HNRNPU: variants seen among roughly 807,000 people sequenced by gnomAD.
The protein encoded by HNRNPU is heterogeneous nuclear ribonucleoprotein U, also known as HNRNPU antisense RNA 1.
HNRNPU carries 5 observed loss-of-function variants against 94.7 expected under a neutral mutation model. The observed-to-expected ratio is 0.05, with a 90% CI of 0.03 to 0.11. The LOEUF (loss-of-function observed/expected upper bound fraction) is 0.11, where lower values mean the gene tolerates loss of function less well. HNRNPU is among the 10% of genes least tolerant of loss of function. The pLI is 1.00. For missense variants in HNRNPU, 710 were observed against 1,049.2 expected, an observed-to-expected ratio of 0.68 and a Z score of 4.47; for synonymous variants, 434 against 381.6, an observed-to-expected ratio of 1.14 and a Z score of -1.60.
chr1:244,860,110 G>A (rs1680787200), intron 4 of HNRNPU: 3 of 427,948 alleles, frequency 7.0e-6, no homozygotes, highest in Non-Finnish European at 1.2e-5. Context: ...GACCAGCCTG[G>A]CCTACGTGGT....
Position 244,863,928 on chromosome 1 carries a change from G to A in HNRNPU, c.380C>T (p.Ala127Val), listed in dbSNP as rs776690627. The A allele has an allele frequency of 3.1e-6, 5 of 1,613,820 alleles. No homozygotes were observed. The highest frequency in any genetic ancestry group is 1.1e-5 in the South Asian group (1 of 91,068). Residue 127 changes from alanine (A) to valine (V), a missense_variant, in exon 1 of 14, where the codon GCC (alanine) becomes GTC (valine). This residue lies in a region of HNRNPU where 292 missense variants were observed against 293.4 expected (regional missense o/e 1.00). Transcript: ENST00000640218. ...DSGPMEEEEA[A>V]SEDENGDDQG... is the part of the protein sequence containing the mutation. ...ATCGTCGCCGTTCTCGTCTTCCGAG[G>A]CGGCCTCCTCCTCCTCCATCGGGCC...
rs114666254 is a variant in HNRNPU, at chr1:244,858,994, T to C, written c.1118-153A>G. 7.6e-4 allele frequency: 457 copies of C among 597,686 alleles called. 2 individuals carry two copies. The African/African-American group carries it at 7.7e-3, about 10-fold the overall frequency. 37.0% of individuals were successfully genotyped at this position (597,686 alleles called of 1,614,324 possible). A position where few individuals can be genotyped will look rare whatever the true frequency, so the allele number is the denominator to read the frequency against. Reference sequence around the variant, plus strand: ...TTACTTTTCTATCTCTGTACCAGAATTGATGGAAGTTAGGAGGGATATATA... The same window carrying C: ...TTACTTTTCTATCTCTGTACCAGAACTGATGGAAGTTAGGAGGGATATATA... On this transcript the variant is annotated intron_variant, in intron 5 of 13. Coordinates refer to ENST00000640218, the MANE Select transcript of HNRNPU (RefSeq NM_031844.3).
Position 244,855,532 on chromosome 1 carries a change from TCCA to T in HNRNPU, c.2241_2243del (p.Gly748del), listed in dbSNP as rs1360096657. ...GGGCACGAGGGTATGGATAGCCGAT[TCCA>T]CCACTTCCTCCACCGCCACCACCTC... On this transcript the variant is annotated inframe_deletion, in exon 12 of 14. Transcript: ENST00000640218. 1 of 1,613,912 alleles carries T rather than the reference TCCA, an allele frequency of 6.2e-7. No homozygotes were observed. Among genetic ancestry groups the T allele is most frequent in the Non-Finnish European group, 8.5e-7 (1 of 1,179,946 alleles).
rs747301226 is a variant in HNRNPU, at chr1:244,862,498, A to ATCT, written c.837_839dup (p.Glu279dup). The ATCT allele has an allele frequency of 6.2e-7, 1 of 1,613,792 alleles. No individual in the cohort carries two copies. On this transcript the variant is annotated inframe_insertion, in exon 3 of 14. Coordinates refer to ENST00000640218, the MANE Select transcript of HNRNPU (RefSeq NM_031844.3). ...AAACCACTGTGTCATCGAAGTGTTC[A>ATCT]TCTTCTTCTTCAACAGGTGGCTGAG... is the stretch of plus-strand genomic sequence containing the variant.
At chr1:244,854,701 G>A (rs1352763183) in intron 13 of HNRNPU, 198 bp from the exon 14 acceptor site, 2 of 553,952 alleles carry the variant, frequency 3.6e-6, no homozygotes, top group African/African-American at 1.9e-5. Context: ...GAAACATCAT[G>A]ACTTTGTTAG....
intron 3 of HNRNPU, 35 bp downstream of exon 3, chr1:244,862,426 G>GC: frequency 1.2e-6 from 1 of 854,968 alleles, no homozygotes; most frequent in Non-Finnish European, 1.8e-6. Flanking sequence ...CACCATCACC[G>GC]CATTTCATAA....
chr1:244,854,602 G>T, intron 13 of HNRNPU, 99 bp from the exon 14 acceptor site: 1 of 832,916 alleles, frequency 1.2e-6, no homozygotes, highest in Non-Finnish European at 2.0e-6. Flanking sequence ...TAATTTGCTG[G>T]AAACAAATTT....
In HNRNPU at chr1:244,864,026, T is replaced by C. The variant is rs990170673; in HGVS notation, c.282A>G (p.Glu94=). The C allele has an allele frequency of 8.1e-5, 131 of 1,612,480 alleles. No homozygotes were observed. The highest frequency in any genetic ancestry group is 1.0e-4 in the Non-Finnish European group (122 of 1,179,488). Residue 94 remains glutamate, a synonymous_variant, in exon 1 of 14, where the codon GAA becomes GAG. Transcript: ENST00000640218. The stretch of plus-strand genomic sequence containing the variant: ...GGTCGCCGTCCAGAGCGGAGATTCC[T>C]TCCTCCTCCTCTTCCTCTTCCTCCT... ...EEEEEEEEEE[E]GISALDGDQM...
At position 244,852,491 on chromosome 1, in the gene HNRNPU, A is replaced by C. The variant is rs1456717071; in HGVS notation, c.*1959T>G. 2 of 152,186 alleles carry C rather than the reference A, an allele frequency of 1.3e-5. No individual in the cohort carries two copies. The highest frequency in any genetic ancestry group is 2.9e-5 in the Non-Finnish European group (2 of 68,016). 9.4% of individuals were successfully genotyped at this position (152,186 alleles called of 1,614,324 possible). A position where few individuals can be genotyped will look rare whatever the true frequency, so the allele number is the denominator to read the frequency against. On this transcript the variant is annotated 3_prime_UTR_variant, in exon 14 of 14. Transcript: ENST00000640218. ...AGGACACAACACTGATTAGCATCAA[A>C]ACCTGAAACTGTTCCTCTAGTAAGT... is the stretch of plus-strand genomic sequence containing the variant.
intron 10 of HNRNPU, 119 bp downstream of exon 10, chr1:244,856,338 T>C (rs1573329984): frequency 8.1e-7 from 1 of 1,239,596 alleles, no homozygotes; most frequent in East Asian, 2.3e-5. Context: ...GGAAAAAATG[T>C]TAACTTTCAG....
rs963009050 is a variant in HNRNPU, at chr1:244,854,726, G to C, written c.2425-223C>G. ...GACTTTGTTAGTTTACACAATTAAA[G>C]CTAGCAGTAAAAGAACTGTATATAT... On this transcript the variant is annotated intron_variant, in intron 13 of 13. Coordinates refer to ENST00000640218, the MANE Select transcript of HNRNPU (RefSeq NM_031844.3). 8 of 536,764 alleles carry C rather than the reference G, an allele frequency of 1.5e-5. No individual in the cohort carries two copies. In the Admixed American group the frequency reaches 2.1e-4, roughly 14 times the overall value. 33.3% of individuals were successfully genotyped at this position (536,764 alleles called of 1,614,324 possible). A position where few individuals can be genotyped will look rare whatever the true frequency, so the allele number is the denominator to read the frequency against.
Position 244,862,489 on chromosome 1 carries a change from G to C in HNRNPU, c.849C>G (p.Phe283Leu), listed in dbSNP as rs200804217. The stretch of plus-strand genomic sequence containing the variant: ...TATCAAGACAAACCACTGTGTCATC[G>C]AAGTGTTCATCTTCTTCTTCAACAG... ...QPPVEEEDEH[F>L]DDTVVCLDTY... is the part of the protein sequence containing the mutation. The change falls in exon 3 of 14, where the codon TTC becomes TTG. Residue 283 changes from phenylalanine (F) to leucine (L), a missense_variant. Physicochemically the swap from Phe to Leu is conservative, Grantham distance 22. Coordinates refer to ENST00000640218, the MANE Select transcript of HNRNPU (RefSeq NM_031844.3). 7 of 1,612,764 alleles carry C rather than the reference G, an allele frequency of 4.3e-6. No homozygotes were observed. The highest frequency in any genetic ancestry group is 5.9e-6 in the Non-Finnish European group (7 of 1,179,688).
At position 244,856,201 on chromosome 1, in the gene HNRNPU, C is replaced by T. The variant is rs763767840; in HGVS notation, c.1913-43G>A. 54 of 1,555,968 alleles carry T rather than the reference C, an allele frequency of 3.5e-5. No individual in the cohort carries two copies. In the East Asian group the frequency reaches 7.8e-4, roughly 23 times the overall value. ...ATATTATTAATTTAGAAACCCACCA[C>T]GAATCCTCACAATCCTAAAGCTGAC... On this transcript the variant is annotated intron_variant, in intron 10 of 13. Coordinates refer to ENST00000640218, the MANE Select transcript of HNRNPU (RefSeq NM_031844.3).
intron 3 of HNRNPU, 105 bp from the exon 4 acceptor site, chr1:244,860,579 T>A: frequency 1.2e-6 from 1 of 817,690 alleles, no homozygotes; most frequent in Middle Eastern, 2.8e-4. Flanking sequence ...TTCTTAATGC[T>A]GCACAACTTT....
Position 244,863,715 on chromosome 1 carries a change from A to T in HNRNPU, c.593T>A (p.Val198Glu). 6.4e-7 allele frequency: 1 copy of T among 1,563,198 alleles called. No homozygotes were observed. Among genetic ancestry groups the T allele is most frequent in the Non-Finnish European group, 8.6e-7 (1 of 1,162,048 alleles). The change falls in exon 1 of 14, where the codon GTG becomes GAG. Residue 198 changes from valine to glutamate, a missense_variant. By Grantham distance (121) the Val-to-Glu change is moderately radical. Around this residue, in one of 8 missense-constraint regions of HNRNPU, gnomAD observed 292 missense variants for 293.4 expected, o/e 1.00. Transcript: ENST00000640218. Reference protein sequence around the residue: ...SGPTSLFAVTVAPPGARQGQQ... With the variant: ...SGPTSLFAVTEAPPGARQGQQ... ...GCCCTGCCTCGCCCCGGGCGGCGCC[A>T]CCGTCACCGCGAACAGCGAGGTGGG...
chr1:244,857,138 C>A, intron 8 of HNRNPU: 1 of 300,506 alleles, frequency 3.3e-6, no homozygotes, highest in Non-Finnish European at 6.0e-6. Context: ...GTTGAAAGAA[C>A]CAACTTAATC....
chr1:244,862,893 T>C, intron 1 of HNRNPU, 163 bp from the exon 2 acceptor site: 1 of 651,754 alleles, frequency 1.5e-6, no homozygotes, highest in East Asian at 2.6e-5. Flanking sequence ...CGAATTCGAT[T>C]GGCGCTAGTG....
rs577184509 is a variant in HNRNPU, at chr1:244,855,857, CTT to C, written c.2167+45_2167+46del. ...CTACATCCAAACTATAAAATTATCA[CTT>C]GTTTCGATCCTGAACTAAATACAGA... On this transcript the variant is annotated intron_variant, in intron 11 of 13. Coordinates refer to ENST00000640218, the MANE Select transcript of HNRNPU (RefSeq NM_031844.3). 1.1e-3 allele frequency: 1,751 copies of C among 1,593,552 alleles called. 2 individuals carry two copies. The highest frequency in any genetic ancestry group is 2.6e-3 in the Admixed American group (147 of 56,742).
At chr1:244,862,592 G>T in intron 2 of HNRNPU, 27 bp downstream of exon 2, 1 of 1,603,756 alleles carries the variant, frequency 6.2e-7, no homozygotes, top group Non-Finnish European at 8.5e-7. Flanking sequence ...AATAAGGGAT[G>T]AGTAAAACTA....
Sources: allele counts gnomAD v4.1 joint callset, GRCh38; gene constraint gnomAD v4.1.1; regional missense constraint gnomAD v4.1.1; transcripts MANE v1.5; gene names NCBI Gene and HGNC (gene_info 2026-07-23, HGNC 2026-07-21).